RGS3: variants seen among roughly 807,000 people sequenced by gnomAD.
RGS3 encodes the protein regulator of G-protein signalling 3.
Under a neutral mutation model 132.6 loss-of-function variants are expected in RGS3, and 80 were observed. That is an observed-to-expected ratio of 0.60 (90% CI 0.50 to 0.73). The LOEUF is 0.73. RGS3 is among the 30% of genes least tolerant of loss of function. The pLI is 0.00. For synonymous variants in RGS3, 598 were observed against 620.6 expected (o/e 0.96, Z 0.54); for missense variants, 1,382 against 1,530.8 (o/e 0.90, Z 1.62).
intron 1 of RGS3, among the ~76,000 whole-genome samples, chr9:113,449,179 C>T (rs1403354645): frequency 6.6e-6 from 1 of 151,980 alleles, no homozygotes; most frequent in Non-Finnish European, 1.5e-5. Context: ...ACAGCAAGAC[C>T]AGTTAGGAGG....
At chr9:113,465,855 A>G (rs1403625526) in intron 3 of RGS3, among the ~76,000 whole-genome samples, 1 of 152,170 alleles carries the variant, frequency 6.6e-6, no homozygotes, top group African/African-American at 2.4e-5. Context: ...TTATGAGAGC[A>G]TTTGAGAAAT....
At chr9:113,538,340 G>C (rs1033408639) in intron 19 of RGS3, among the ~76,000 whole-genome samples, 1 of 152,196 alleles carries the variant, frequency 6.6e-6, no homozygotes, top group African/African-American at 2.4e-5. Context: ...CTGCCCCACT[G>C]ATCCTGGGTT....
chr9:113,482,266 A>C (rs1406848097), intron 4 of RGS3, among the ~76,000 whole-genome samples: 1 of 152,132 alleles, frequency 6.6e-6, no homozygotes, highest in East Asian at 1.9e-4. Flanking sequence ...ACATTTTTTG[A>C]GCAATTACTT....
intron 20 of RGS3, among the ~76,000 whole-genome samples, chr9:113,589,674 A>T (rs1438517972): frequency 6.6e-6 from 1 of 152,214 alleles, no homozygotes. Flanking sequence ...CCAGGCCAGC[A>T]TGAGTGCAGC....
At chr9:113,501,168 A>G (rs1830870951) in intron 10 of RGS3, among the ~76,000 whole-genome samples, 1 of 151,810 alleles carries the variant, frequency 6.6e-6, no homozygotes, top group African/African-American at 2.4e-5. Flanking sequence ...TTGCAGGGGG[A>G]GGAGGTGTTG....
intron 19 of RGS3, among the ~76,000 whole-genome samples, chr9:113,557,020 CTGAG>C (rs963916642): frequency 3.3e-5 from 5 of 152,230 alleles, no homozygotes; most frequent in African/African-American, 1.2e-4. Context: ...CTTCACACTG[CTGAG>C]TGTTTGTTGA....
chr9:113,485,116 C>T (rs1429624663), intron 6 of RGS3, among the ~76,000 whole-genome samples: 5 of 150,624 alleles, frequency 3.3e-5, no homozygotes, highest in Admixed American at 2.6e-4. Context: ...GAGATGGAGT[C>T]TTGCTCTGTC....
At chr9:113,494,788 T>C (rs780620577) in intron 7 of RGS3, among the ~76,000 whole-genome samples, 1 of 152,116 alleles carries the variant, frequency 6.6e-6, no homozygotes, top group Non-Finnish European at 1.5e-5. Context: ...CCATCATTAT[T>C]AAAAGCTGCC....
intron 19 of RGS3, among the ~76,000 whole-genome samples, chr9:113,572,278 T>C (rs1834325024): frequency 6.6e-6 from 1 of 151,924 alleles, no homozygotes; most frequent in Admixed American, 6.6e-5. Context: ...CCAAGGGAGA[T>C]AAGAGAAAGT....
At chr9:113,479,052 G>A (rs1053075390) in intron 3 of RGS3, 11 of 181,044 alleles carry the variant, frequency 6.1e-5, no homozygotes, top group Non-Finnish European at 1.1e-4. Context: ...ACAGTGACCT[G>A]GAATGAAGAC....
At chr9:113,497,691 C>G (rs943551790) in intron 9 of RGS3, among the ~76,000 whole-genome samples, 7 of 152,138 alleles carry the variant, frequency 4.6e-5, no homozygotes, top group African/African-American at 1.7e-4. Context: ...CCCCAGTGGC[C>G]CCTTCCCAGC....
At chr9:113,557,561 G>C (rs1014614183) in intron 19 of RGS3, among the ~76,000 whole-genome samples, 1 of 152,230 alleles carries the variant, frequency 6.6e-6, no homozygotes. Context: ...GGGAAGGCTA[G>C]TTCCTCAAGT....
At chr9:113,570,313 A>G (rs982471734) in intron 19 of RGS3, 1 of 152,268 alleles carries the variant, frequency 6.6e-6, no homozygotes, top group African/African-American at 2.4e-5. Context: ...GACACTGAGC[A>G]GGCATTCAGG....
intron 19 of RGS3, among the ~76,000 whole-genome samples, chr9:113,550,708 T>C (rs1259728620): frequency 6.6e-6 from 1 of 152,222 alleles, no homozygotes; most frequent in Non-Finnish European, 1.5e-5. Context: ...AAATAGGTTC[T>C]TTTTTTCGTT....
upstream of RGS3, among the ~76,000 whole-genome samples, chr9:113,459,590 A>T (rs1023895277): frequency 7.9e-5 from 12 of 152,222 alleles, no homozygotes; most frequent in East Asian, 1.7e-3. Context: ...TCTCTACTAA[A>T]AATACAAAAA....
At chr9:113,481,871 A>C (rs547440726) in intron 4 of RGS3, among the ~76,000 whole-genome samples, 9 of 152,154 alleles carry the variant, frequency 5.9e-5, no homozygotes, top group African/African-American at 2.2e-4. Context: ...ACATGGAGAA[A>C]CCTTCTCTCC....
chr9:113,577,707 C>G (rs905883074), intron 19 of RGS3, among the ~76,000 whole-genome samples: 7 of 152,190 alleles, frequency 4.6e-5, no homozygotes, highest in African/African-American at 1.7e-4. Flanking sequence ...TATGCTGCTT[C>G]CTCCCCTAGT....
intron 3 of RGS3, among the ~76,000 whole-genome samples, chr9:113,472,786 C>T (rs562914054): frequency 1.3e-5 from 2 of 152,230 alleles, no homozygotes; most frequent in East Asian, 3.9e-4. Context: ...GTGGCTCAAT[C>T]CCAGCACTTT....
At chr9:113,492,769 G>C (rs970193448) in intron 7 of RGS3, among the ~76,000 whole-genome samples, 2 of 152,204 alleles carry the variant, frequency 1.3e-5, no homozygotes, top group Non-Finnish European at 2.9e-5. Flanking sequence ...TTCAAAAGCA[G>C]GCATAAGAAA....
Sources: allele counts gnomAD v4.1 joint callset (sites outside exome capture counted in the v4.1 genomes callset), GRCh38; gene constraint gnomAD v4.1.1; transcripts MANE v1.5; gene names NCBI Gene and HGNC (gene_info 2026-07-23, HGNC 2026-07-21).